Variants in GALNT17 observed in about 807,000 individuals in gnomAD.
The protein encoded by GALNT17 is UDP-GalNAc:polypeptide N-acetylgalactosaminyltransferase-like 3.
In GALNT17, 29 loss-of-function variants were observed where a neutral mutation model predicts 63.7. That is an observed-to-expected ratio of 0.46 (90% CI 0.34 to 0.62). The LOEUF is 0.62. Ranked by LOEUF, GALNT17 falls within the 20% of genes least tolerant of loss-of-function variation. The pLI is 0.01. For missense variants in GALNT17, 603 were observed against 799.6 expected (o/e 0.75, Z 2.97); for synonymous variants, 305 against 318.3 (o/e 0.96, Z 0.45).
chr7:71,277,224 A>G (rs984498575), intron 1 of GALNT17, among the ~76,000 whole-genome samples: 3 of 148,534 alleles, frequency 2.0e-5, no homozygotes, highest in Admixed American at 7.6e-5. Flanking sequence ...GTCCTAAGTG[A>G]ACTAACTGAG....
chr7:71,447,401 T>G (rs991860539), intron 5 of GALNT17, among the ~76,000 whole-genome samples: 2 of 152,188 alleles, frequency 1.3e-5, no homozygotes, highest in Non-Finnish European at 2.9e-5. Flanking sequence ...ACTTTTTGAG[T>G]GTCCACATAA....
rs34121771 is a variant in GALNT17 at position 71,141,840 on chromosome 7, C to CTGTGTGTGTGTGTGTG, written c.238+8824_238+8839dup. ...TACAGGTATGCGCCACCACGTCTGG[C>CTGTGTGTGTGTGTGTG]TGTGTGTGTGTGTGTGTGTGTGTGT... On this transcript the variant is annotated intron_variant, in intron 1 of 10. Transcript: ENST00000333538. Among the ~76,000 whole-genome samples the CTGTGTGTGTGTGTGTG allele has an allele frequency of 2.0e-4, 25 of 125,116 alleles. 1 individual carries two copies. The highest frequency in any genetic ancestry group is 1.4e-3 in the South Asian group (5 of 3,612). 82.1% of individuals were successfully genotyped at this position (125,116 alleles called of 152,430 possible).
intron 5 of GALNT17, among the ~76,000 whole-genome samples, chr7:71,486,887 A>T (rs1485063188): frequency 6.6e-6 from 1 of 150,904 alleles, no homozygotes; most frequent in Non-Finnish European, 1.5e-5. Context: ...AAAAAAACGC[A>T]CTTCTTGCTC....
intron 1 of GALNT17, among the ~76,000 whole-genome samples, chr7:71,155,767 G>T (rs1394492747): frequency 1.3e-5 from 2 of 151,806 alleles, no homozygotes; most frequent in African/African-American, 2.4e-5. Flanking sequence ...ATTCTCTGGA[G>T]ATTTAAATAA....
At chr7:71,548,172 G>A (rs780752743) in intron 5 of GALNT17, among the ~76,000 whole-genome samples, 1 of 151,672 alleles carries the variant, frequency 6.6e-6, no homozygotes, top group African/African-American at 2.4e-5. Context: ...AATCAGGAAG[G>A]TAGAGGTTGC....
At chr7:71,505,895 A>G (rs1181890037) in intron 5 of GALNT17, among the ~76,000 whole-genome samples, 1 of 152,194 alleles carries the variant, frequency 6.6e-6, no homozygotes, top group African/African-American at 2.4e-5. Context: ...GTCCAGCCCA[A>G]CATTTCTCTT....
intron 1 of GALNT17, among the ~76,000 whole-genome samples, chr7:71,298,385 C>CAGG (rs78610919): frequency 0.99 from 151,448 of 152,288 alleles, 75,310 homozygotes; most frequent in East Asian, 1. Context: ...CAAAAACAAT[C>CAGG]AGAACAGAAA....
intron 5 of GALNT17, among the ~76,000 whole-genome samples, chr7:71,440,436 A>G (rs531277507): frequency 2.1e-5 from 3 of 146,220 alleles, no homozygotes; most frequent in African/African-American, 7.6e-5. Context: ...GTGCAATGGC[A>G]CGATCTCAGC....
chr7:71,519,887 A>C (rs1449356679), intron 5 of GALNT17, among the ~76,000 whole-genome samples: 4 of 152,202 alleles, frequency 2.6e-5, no homozygotes, highest in Non-Finnish European at 4.4e-5. Flanking sequence ...AATAAAATGA[A>C]TGAATGAAGT....
chr7:71,271,599 G>A (rs903194408), intron 1 of GALNT17, among the ~76,000 whole-genome samples: 3 of 152,200 alleles, frequency 2.0e-5, no homozygotes, highest in Admixed American at 2.0e-4. Context: ...ATTTACAGGC[G>A]ATAACATTCA....
chr7:71,705,493 C>T (rs1360959925), intron 9 of GALNT17, among the ~76,000 whole-genome samples: 1 of 151,970 alleles, frequency 6.6e-6, no homozygotes, highest in Non-Finnish European at 1.5e-5. Flanking sequence ...ACCATATGGC[C>T]CAAGGATGAG....
At chr7:71,385,717 G>T (rs559617161) in intron 2 of GALNT17, among the ~76,000 whole-genome samples, 4 of 152,292 alleles carry the variant, frequency 2.6e-5, no homozygotes, top group African/African-American at 9.6e-5. Flanking sequence ...TGGGCACGGT[G>T]CACCTGGCTG....
chr7:71,282,522 G>A (rs1426962155), intron 1 of GALNT17, among the ~76,000 whole-genome samples: 2 of 152,224 alleles, frequency 1.3e-5, no homozygotes, highest in Admixed American at 1.3e-4. Context: ...TGTTGAATGA[G>A]TGAATGGAAG....
intron 1 of GALNT17, among the ~76,000 whole-genome samples, chr7:71,202,853 G>A (rs1390922021): frequency 2.0e-5 from 3 of 152,268 alleles, no homozygotes; most frequent in East Asian, 1.9e-4. Context: ...CCACATATAA[G>A]TGAGATTACG....
intron 5 of GALNT17, among the ~76,000 whole-genome samples, chr7:71,474,307 T>A (rs556008391): frequency 9.2e-4 from 140 of 152,232 alleles, no homozygotes; most frequent in Non-Finnish European, 1.6e-3. Context: ...TCAGCAAAAT[T>A]TTTTTTGACC....
intron 2 of GALNT17, among the ~76,000 whole-genome samples, chr7:71,351,513 TG>T (rs1792188519): frequency 1.3e-5 from 2 of 150,966 alleles, no homozygotes; most frequent in African/African-American, 4.9e-5. Context: ...ATCCCCAAGA[TG>T]GTTGGTATCT....
chr7:71,508,177 TG>T (rs1436036578), intron 5 of GALNT17, among the ~76,000 whole-genome samples: 1 of 152,136 alleles, frequency 6.6e-6, no homozygotes, highest in Non-Finnish European at 1.5e-5. Context: ...TTTCTTTCCC[TG>T]GGGGAATTTT....
intron 5 of GALNT17, among the ~76,000 whole-genome samples, chr7:71,569,749 G>A (rs1789406880): frequency 6.7e-6 from 1 of 149,178 alleles, no homozygotes. Flanking sequence ...TGGTGTATAT[G>A]CACCACATTT....
chr7:71,666,323 T>C (rs1322082823), intron 7 of GALNT17, among the ~76,000 whole-genome samples: 1 of 148,408 alleles, frequency 6.7e-6, no homozygotes, highest in Non-Finnish European at 1.5e-5. Flanking sequence ...TATATATATG[T>C]ATAAAATATA....
Sources: allele counts gnomAD v4.1 joint callset (sites outside exome capture counted in the v4.1 genomes callset), GRCh38; gene constraint gnomAD v4.1.1; transcripts MANE v1.5; gene names NCBI Gene and HGNC (gene_info 2026-07-23, HGNC 2026-07-21).